Variants in GRIP1 observed in about 807,000 individuals in gnomAD.
GRIP1 encodes the protein glutamate receptor interacting protein 1, also known as glutamate receptor-interacting protein 1.
Under a neutral mutation model 129.9 loss-of-function variants are expected in GRIP1, and 45 were observed. The observed-to-expected ratio is 0.35, with a 90% CI of 0.27 to 0.44. The LOEUF (loss-of-function observed/expected upper bound fraction) is 0.44, where lower values mean the gene tolerates loss of function less well. Among genes scored for constraint, GRIP1 ranks in the 20% least tolerant of loss-of-function variants. The pLI is 1.00. For missense variants in GRIP1, 1,196 were observed against 1,396.8 expected, an observed-to-expected ratio of 0.86 and a Z score of 2.29; for synonymous variants, 530 against 520.8, an observed-to-expected ratio of 1.02 and a Z score of -0.24.
intron 7 of GRIP1, among the ~76,000 whole-genome samples, chr12:66,491,338 T>C (rs2060098601): frequency 6.6e-6 from 1 of 152,182 alleles, no homozygotes; most frequent in Admixed American, 6.5e-5. Context: ...TGGAAGCCAT[T>C]ATCCTCAGCA....
chr12:66,909,176 C>T (rs1045065445), intron 1 of GRIP1, among the ~76,000 whole-genome samples: 64 of 152,060 alleles, frequency 4.2e-4, no homozygotes, highest in African/African-American at 1.3e-3. Flanking sequence ...CTTTGTTTTG[C>T]TATTTTTCCA....
upstream of GRIP1, among the ~76,000 whole-genome samples, chr12:66,804,623 G>A (rs1049912102): frequency 1.3e-5 from 2 of 152,130 alleles, no homozygotes; most frequent in African/African-American, 4.8e-5. Context: ...CATCGGGGCG[G>A]GGGTATAGGA....
At chr12:66,834,393 C>T (rs2039573259) in intron 1 of GRIP1, among the ~76,000 whole-genome samples, 1 of 152,082 alleles carries the variant, frequency 6.6e-6, no homozygotes, top group African/African-American at 2.4e-5. Context: ...TCTTTCACTC[C>T]TCGCTGATAG....
chr12:66,429,743 G>A (rs2058091207), intron 14 of GRIP1, among the ~76,000 whole-genome samples: 1 of 152,120 alleles, frequency 6.6e-6, no homozygotes, highest in South Asian at 2.1e-4. Context: ...AAGGCTCTGT[G>A]TGTAAAGTAA....
At chr12:66,836,643 C>T (rs2039619533) in intron 1 of GRIP1, among the ~76,000 whole-genome samples, 1 of 152,096 alleles carries the variant, frequency 6.6e-6, no homozygotes, top group Non-Finnish European at 1.5e-5. Context: ...AATGAGAATA[C>T]CTTCACTAGA....
intron 1 of GRIP1, among the ~76,000 whole-genome samples, chr12:67,044,984 C>T (rs1452678977): frequency 1.3e-5 from 2 of 152,136 alleles, no homozygotes; most frequent in Non-Finnish European, 2.9e-5. Context: ...CAAACTGAGT[C>T]ACAGAGGCTG....
At chr12:66,566,271 T>C (rs1282426353) in intron 2 of GRIP1, among the ~76,000 whole-genome samples, 1 of 152,226 alleles carries the variant, frequency 6.6e-6, no homozygotes, top group Non-Finnish European at 1.5e-5. Flanking sequence ...CATAAATAGC[T>C]CTTATATTTT....
intron 2 of GRIP1, among the ~76,000 whole-genome samples, chr12:66,580,856 G>A (rs2063348172): frequency 6.6e-6 from 1 of 151,826 alleles, no homozygotes; most frequent in South Asian, 2.1e-4. Flanking sequence ...CAACGAGACA[G>A]AAAGTCAACA....
chr12:66,454,135 G>C (rs2058885613), intron 11 of GRIP1, among the ~76,000 whole-genome samples: 1 of 152,190 alleles, frequency 6.6e-6, no homozygotes, highest in Non-Finnish European at 1.5e-5. Context: ...TCACTGTAGG[G>C]AAAGCTTCAG....
intron 1 of GRIP1, among the ~76,000 whole-genome samples, chr12:66,755,899 G>C (rs560247546): frequency 1.2e-4 from 19 of 152,290 alleles, no homozygotes; most frequent in Middle Eastern, 6.8e-3. Flanking sequence ...AGAGTTCCAT[G>C]TGGCAAGTGG....
chr12:66,377,804 T>C (rs973848758), intron 20 of GRIP1, among the ~76,000 whole-genome samples: 7 of 152,058 alleles, frequency 4.6e-5, no homozygotes, highest in Non-Finnish European at 7.4e-5. Flanking sequence ...ATGGAAAGGA[T>C]GGTCCATGGT....
intron 2 of GRIP1, among the ~76,000 whole-genome samples, chr12:66,557,353 A>C (rs990378852): frequency 2.0e-5 from 3 of 152,178 alleles, no homozygotes; most frequent in Non-Finnish European, 4.4e-5. Context: ...AGTTTAAGAG[A>C]GAGATAGAAC....
intron 1 of GRIP1, among the ~76,000 whole-genome samples, chr12:66,856,542 C>T (rs2040008244): frequency 6.6e-6 from 1 of 151,922 alleles, no homozygotes; most frequent in Non-Finnish European, 1.5e-5. Context: ...AACAAACAAC[C>T]CCATCAAAAA....
At chr12:66,444,321 C>T (rs1270719977) in intron 13 of GRIP1, among the ~76,000 whole-genome samples, 1 of 150,534 alleles carries the variant, frequency 6.6e-6, no homozygotes, top group Non-Finnish European at 1.5e-5. Flanking sequence ...CCCGTCTCTA[C>T]TAAAAATACA....
intron 1 of GRIP1, among the ~76,000 whole-genome samples, chr12:67,012,344 T>C (rs776444506): frequency 6.6e-6 from 1 of 152,118 alleles, no homozygotes; most frequent in African/African-American, 2.4e-5. Context: ...ACCAAAAATA[T>C]GCACAGACTG....
chr12:66,953,851 C>T (rs949236804), intron 1 of GRIP1, among the ~76,000 whole-genome samples: 1 of 151,978 alleles, frequency 6.6e-6, no homozygotes, highest in Admixed American at 6.6e-5. Flanking sequence ...CACACACACA[C>T]AATCGATAAC....
intron 1 of GRIP1, among the ~76,000 whole-genome samples, chr12:66,775,641 C>T (rs550674377): frequency 1.3e-5 from 2 of 152,000 alleles, no homozygotes; most frequent in Admixed American, 1.3e-4. Context: ...TGTAACTGGA[C>T]AGAGACCTTT....
Position 66,348,710 on chromosome 12 carries a change from T to C in GRIP1, c.*309A>G, listed in dbSNP as rs962135704. Reference sequence around the variant, plus strand: ...AGATGTTTCTCTTTTTAAAAAGTGATAGTAAGATGAACTTGTAAAAAATTT... The same window carrying C: ...AGATGTTTCTCTTTTTAAAAAGTGACAGTAAGATGAACTTGTAAAAAATTT... On this transcript the variant is annotated 3_prime_UTR_variant, in exon 25 of 25. Coordinates refer to ENST00000359742, the MANE Select transcript of GRIP1 (RefSeq NM_001366722.1). The C allele has an allele frequency of 5.7e-6, 2 of 348,202 alleles. No individual in the cohort carries two copies. The highest frequency in any genetic ancestry group is 2.0e-5 in the African/African-American group (1 of 48,842). The allele number at this position is 348,202 out of a possible 1,614,324, so 21.6% of individuals were successfully genotyped here.
chr12:66,526,837 A>G (rs1592489481), intron 5 of GRIP1, among the ~76,000 whole-genome samples: 1 of 151,262 alleles, frequency 6.6e-6, no homozygotes, highest in East Asian at 1.9e-4. Flanking sequence ...TTACAAGAAA[A>G]AAACAACCCC....
Sources: allele counts gnomAD v4.1 joint callset (sites outside exome capture counted in the v4.1 genomes callset), GRCh38; gene constraint gnomAD v4.1.1; transcripts MANE v1.5; gene names NCBI Gene and HGNC (gene_info 2026-07-23, HGNC 2026-07-21).